Variants in PUS7L observed in about 807,000 individuals in gnomAD.
The protein encoded by PUS7L is pseudouridylate synthase PUS7L.
Under a neutral mutation model 51.1 loss-of-function variants are expected in PUS7L, and 49 were observed. That is an observed-to-expected ratio of 0.96 (90% CI 0.76 to 1.22). PUS7L has a LOEUF of 1.22. PUS7L is among the 50% of genes most tolerant of loss of function. PUS7L has a pLI of 0.00. For synonymous variants in PUS7L, 277 were observed against 276.2 expected (o/e 1.00, Z -0.03); for missense variants, 828 against 820.6 (o/e 1.01, Z -0.11).
Position 43,746,052 on chromosome 12 carries a change from AT to A in PUS7L, c.1256del (p.Asn419MetfsTer8). On this transcript the variant is annotated frameshift_variant, in exon 4 of 9. Coordinates refer to ENST00000344862, the MANE Select transcript of PUS7L (RefSeq NM_031292.5). LOFTEE classifies it high-confidence loss of function. ...LRERIMEAIE[N>X]VKKKGFVNYY... ...TAAAATTAAGTTTTCTTACCTTAAC[AT>A]TTTCTATTGCTTCCATAATTCTCTC... 1 of 1,473,586 alleles carries A rather than the reference AT, an allele frequency of 6.8e-7. No homozygotes were observed. Among genetic ancestry groups the A allele is most frequent in the Non-Finnish European group, 9.4e-7 (1 of 1,067,620 alleles). 91.3% of individuals were successfully genotyped at this position (1,473,586 alleles called of 1,614,324 possible).
rs1938276986 is a variant in PUS7L, at chr12:43,748,432, T to G, written c.1070+18A>C. Reference sequence around the variant, plus strand: ...CTTCTCAAAGTTTCTATCCTAAAATTTCTTAATATCTTATTACCTCTCTGG... The same window carrying G: ...CTTCTCAAAGTTTCTATCCTAAAATGTCTTAATATCTTATTACCTCTCTGG... On this transcript the variant is annotated intron_variant, in intron 3 of 8. Coordinates refer to ENST00000344862, the MANE Select transcript of PUS7L (RefSeq NM_031292.5). The G allele has an allele frequency of 6.4e-7, 1 of 1,551,756 alleles. No individual in the cohort carries two copies. The highest frequency in any genetic ancestry group is 1.4e-5 in the African/African-American group (1 of 71,830).
In PUS7L at chr12:43,748,530, C is replaced by G. The variant is rs765200682; in HGVS notation, c.990G>C (p.Ser330=). 1.2e-6 allele frequency: 2 copies of G among 1,611,440 alleles called. No individual in the cohort carries two copies. Among genetic ancestry groups the G allele is most frequent in the African/African-American group, 2.7e-5 (2 of 74,802 alleles). ...CTTTAAGGCCTGCATAACTAAAATCCGAAGGAATAACACCAAGTTTGATAG... is the reference window on the plus strand; with the variant it reads ...CTTTAAGGCCTGCATAACTAAAATCGGAAGGAATAACACCAAGTTTGATAG... ...FLAIKLGVIP[S]DFSYAGLKDK... is the part of the protein sequence containing the mutation. The change falls in exon 3 of 9, where the codon TCG becomes TCC. Residue 330 remains serine (S), a synonymous_variant. Coordinates refer to ENST00000344862, the MANE Select transcript of PUS7L (RefSeq NM_031292.5).
rs1944364224 is a variant in PUS7L, at chr12:43,719,003, A to G, written c.*11373T>C. 6.6e-6 allele frequency: 1 copy of G among 151,158 alleles called. No individual in the cohort carries two copies. Among genetic ancestry groups the G allele is most frequent in the Non-Finnish European group, 1.5e-5 (1 of 67,832 alleles). 9.4% of individuals were successfully genotyped at this position (151,158 alleles called of 1,614,324 possible). ...TCCTCAAACCAAAGGATGTTTTATA[A>G]TATTTATTCTTGCATTCTAAAAAAT... On this transcript the variant is annotated 3_prime_UTR_variant, in exon 9 of 9. Coordinates refer to ENST00000344862, the MANE Select transcript of PUS7L (RefSeq NM_031292.5).
intron 7 of PUS7L, among the ~76,000 whole-genome samples, chr12:43,732,245 C>T (rs1944573698): frequency 1.3e-5 from 2 of 151,766 alleles, no homozygotes; most frequent in Admixed American, 6.6e-5. Context: ...AGTTTGAGAC[C>T]AGCATGGACA....
rs774234736 is a variant in PUS7L, at chr12:43,755,139, A to G, written c.107T>C (p.Val36Ala). 1.1e-5 allele frequency: 17 copies of G among 1,613,448 alleles called. No homozygotes were observed. The East Asian group carries it at 3.8e-4, about 36-fold the overall frequency. The stretch of plus-strand genomic sequence containing the variant: ...CTGTCCCTGTTCATCAATTTCAATA[A>G]CAATAAAGTCACTTGGTGAGCTTTT... ...TIKSSPSDFI[V>A]IEIDEQGQLV... Residue 36 changes from valine (V) to alanine (A), a missense_variant, in exon 2 of 9, where the codon GTT (valine) becomes GCT (alanine). Coordinates refer to ENST00000344862, the MANE Select transcript of PUS7L (RefSeq NM_031292.5).
intron 2 of PUS7L, among the ~76,000 whole-genome samples, chr12:43,749,022 G>A (rs999293774): frequency 2.6e-5 from 4 of 152,150 alleles, no homozygotes; most frequent in South Asian, 2.1e-4. Context: ...ATGCCCAGCC[G>A]TAAGGAGTAC....
At chr12:43,758,652 T>TGGGGGGGGGC in intron 1 of PUS7L, 78 bp downstream of exon 1, 1 of 708,218 alleles carries the variant, frequency 1.4e-6, no homozygotes, top group Non-Finnish European at 1.6e-6. Flanking sequence ...GCCAACCTCG[T>TGGGGGGGGGC]CACCCCCCCC....
chr12:43,758,370 C>CG, intron 1 of PUS7L: 2 of 985,500 alleles, frequency 2.0e-6, no homozygotes, highest in South Asian at 4.7e-5. Flanking sequence ...TGACAGTGGG[C>CG]GGGGGAGTAG....
In PUS7L at chr12:43,725,286, G is replaced by A. The variant is rs2137645680; in HGVS notation, c.*5090C>T. 6.6e-6 allele frequency: 1 copy of A among 152,162 alleles called. No individual in the cohort carries two copies. Among genetic ancestry groups the A allele is most frequent in the South Asian group, 2.1e-4 (1 of 4,816 alleles). 9.4% of individuals were successfully genotyped at this position (152,162 alleles called of 1,614,324 possible). ...CAAAATGATTTGGGGATTTCCTGAA[G>A]GGATCCCCTTTACTTTATATTTTGG... On this transcript the variant is annotated 3_prime_UTR_variant, in exon 9 of 9. Coordinates refer to ENST00000344862, the MANE Select transcript of PUS7L (RefSeq NM_031292.5).
chr12:43,756,079 A>T (rs938939239), intron 1 of PUS7L, among the ~76,000 whole-genome samples: 1 of 152,194 alleles, frequency 6.6e-6, no homozygotes, highest in African/African-American at 2.4e-5. Context: ...CAAGTAACTT[A>T]TCATCATCTG....
intron 4 of PUS7L, among the ~76,000 whole-genome samples, chr12:43,743,721 C>T (rs1246576682): frequency 6.6e-6 from 1 of 151,974 alleles, no homozygotes; most frequent in Admixed American, 6.5e-5. Context: ...CGAGATCGTG[C>T]CACTGCACTC....
chr12:43,753,061 A>G (rs544192355), intron 2 of PUS7L, among the ~76,000 whole-genome samples: 2 of 152,312 alleles, frequency 1.3e-5, no homozygotes, highest in East Asian at 3.9e-4. Flanking sequence ...AATTTCAAGT[A>G]GTATAAGATA....
In PUS7L at chr12:43,725,519, G is replaced by A. The variant is rs1258717609; in HGVS notation, c.*4857C>T. ...CAACCTCCACCTCCCGGGTTCAAGC[G>A]ATTCTCCAGCCTCAGCCTCCCAAGT... On this transcript the variant is annotated 3_prime_UTR_variant, in exon 9 of 9. Transcript: ENST00000344862. The A allele has an allele frequency of 1.3e-5, 2 of 151,298 alleles. No individual in the cohort carries two copies. The highest frequency in any genetic ancestry group is 1.9e-4 in the East Asian group (1 of 5,136). The allele number at this position is 151,298 out of a possible 1,614,324, so 9.4% of individuals were successfully genotyped here.
Position 43,755,219 on chromosome 12 carries a change from G to C in PUS7L, c.27C>G (p.Ile9Met), listed in dbSNP as rs1190968371. The change falls in exon 2 of 9, where the codon ATC becomes ATG. Residue 9 changes from isoleucine to methionine, a missense_variant. By Grantham distance (10) the Ile-to-Met change is conservative (BLOSUM62 1). Coordinates refer to ENST00000344862, the MANE Select transcript of PUS7L (RefSeq NM_031292.5). ...TAAAGAAACACAAAGAACTAAACCT[G>C]ATTCTATAATCTGTATCTTCTTCCA... is the stretch of plus-strand genomic sequence containing the variant. MEEDTDYRIRFSSLCFFND... is the reference protein window; with the variant it reads MEEDTDYRMRFSSLCFFND... The C allele has an allele frequency of 6.2e-7, 1 of 1,602,724 alleles. No individual in the cohort carries two copies. The highest frequency in any genetic ancestry group is 8.5e-7 in the Non-Finnish European group (1 of 1,174,842).
Position 43,730,500 on chromosome 12 carries a change from A to G in PUS7L, c.1982T>C (p.Ile661Thr). ...LSYQLMEDHD[I>T]DVKTKGSHID... is the part of the protein sequence containing the mutation. Reference sequence around the variant, plus strand: ...GTGGGAACCTTTCGTTTTGACATCAATGTCATGATCTTCCATTAGTTGGTA... The same window carrying G: ...GTGGGAACCTTTCGTTTTGACATCAGTGTCATGATCTTCCATTAGTTGGTA... The change falls in exon 9 of 9, where the codon ATT (isoleucine) becomes ACT (threonine). Residue 661 changes from isoleucine to threonine, a missense_variant. Ile to Thr is a moderately conservative substitution (Grantham distance 89). Coordinates refer to ENST00000344862, the MANE Select transcript of PUS7L (RefSeq NM_031292.5). The G allele has an allele frequency of 6.2e-7, 1 of 1,613,900 alleles. No individual in the cohort carries two copies. Among genetic ancestry groups the G allele is most frequent in the Non-Finnish European group, 8.5e-7 (1 of 1,179,838 alleles).
intron 2 of PUS7L, among the ~76,000 whole-genome samples, chr12:43,751,663 T>C (rs532426220): frequency 2.0e-5 from 3 of 152,326 alleles, no homozygotes; most frequent in Non-Finnish European, 4.4e-5. Context: ...AACATACGTG[T>C]GCATGTGTCT....
At position 43,726,067 on chromosome 12, in the gene PUS7L, C is replaced by A. The variant is rs1361475643; in HGVS notation, c.*4309G>T. ...CTCCCAGGCACTACTGCTAGCTCAGCGTCAAACAACCTTGGCAATTAAAAC... is the reference window on the plus strand; with the variant it reads ...CTCCCAGGCACTACTGCTAGCTCAGAGTCAAACAACCTTGGCAATTAAAAC... On this transcript the variant is annotated 3_prime_UTR_variant, in exon 9 of 9. Transcript: ENST00000344862. 1 of 152,060 alleles carries A rather than the reference C, an allele frequency of 6.6e-6. No homozygotes were observed. The highest frequency in any genetic ancestry group is 1.5e-5 in the Non-Finnish European group (1 of 68,010). 9.4% of individuals were successfully genotyped at this position (152,060 alleles called of 1,614,324 possible). A position where few individuals can be genotyped will look rare whatever the true frequency, so the allele number is the denominator to read the frequency against.
Position 43,723,395 on chromosome 12 carries a change from G to C in PUS7L, c.*6981C>G, listed in dbSNP as rs924817534. ...CTGAATAGTTCAAAGCATATTTTAA[G>C]AGGAGATCTCAAGATGCTTAGAAAT... is the stretch of plus-strand genomic sequence containing the variant. On this transcript the variant is annotated 3_prime_UTR_variant, in exon 9 of 9. Transcript: ENST00000344862. 1 of 151,790 alleles carries C rather than the reference G, an allele frequency of 6.6e-6. No individual in the cohort carries two copies. Among genetic ancestry groups the C allele is most frequent in the African/African-American group, 2.4e-5 (1 of 41,438 alleles). 9.4% of individuals were successfully genotyped at this position (151,790 alleles called of 1,614,324 possible). A position where few individuals can be genotyped will look rare whatever the true frequency, so the allele number is the denominator to read the frequency against.
At chr12:43,731,488 T>C (rs983832512) in intron 8 of PUS7L, among the ~76,000 whole-genome samples, 5 of 152,136 alleles carry the variant, frequency 3.3e-5, no homozygotes, top group Admixed American at 3.3e-4. Flanking sequence ...TTCTTTATGA[T>C]TGATATTTGT....
Sources: gnomAD v4.1 joint callset for allele counts (sites outside exome capture counted in the v4.1 genomes callset) on GRCh38, gnomAD v4.1.1 for gene constraint, MANE v1.5 for transcripts, NCBI Gene and HGNC (gene_info 2026-07-23, HGNC 2026-07-21) for gene names.